The following CCDC141 variants were observed in gnomAD, a reference collection of about 807,000 sequenced individuals.
CCDC141 encodes coiled-coil domain-containing protein 141.
In CCDC141, 168 loss-of-function variants were observed where a neutral mutation model predicts 181.0. That is an observed-to-expected ratio of 0.93 (90% confidence interval 0.82 to 1.05). The LOEUF is 1.05. CCDC141 is among the 50% of genes least tolerant of loss of function. The pLI, the probability that CCDC141 is intolerant of heterozygous loss-of-function variation, is 0.00. For missense variants in CCDC141, 1,902 were observed against 1,788.5 expected (o/e 1.06, Z -1.14); for synonymous variants, 666 against 642.3 (o/e 1.04, Z -0.56).
At chr2:178,967,200 C>A (rs1005861895) in intron 4 of CCDC141, among the ~76,000 whole-genome samples, 1 of 152,116 alleles carries the variant, frequency 6.6e-6, no homozygotes, top group African/African-American at 2.4e-5. Context: ...TCCAGAAGAA[C>A]TTCCCCAACC....
chr2:178,860,887 TAA>T (rs1685584388), intron 17 of CCDC141, among the ~76,000 whole-genome samples: 2 of 152,328 alleles, frequency 1.3e-5, no homozygotes, highest in South Asian at 2.1e-4. Flanking sequence ...CATAATATGT[TAA>T]GTTTTGTTTT....
At chr2:178,860,035 C>T (rs1685535096) in intron 17 of CCDC141, among the ~76,000 whole-genome samples, 1 of 152,178 alleles carries the variant, frequency 6.6e-6, no homozygotes, top group South Asian at 2.1e-4. Flanking sequence ...GAAAGCCTTT[C>T]CTTAGAACTA....
At chr2:179,020,658 C>A (rs1430570797) in intron 2 of CCDC141, among the ~76,000 whole-genome samples, 1 of 152,120 alleles carries the variant, frequency 6.6e-6, no homozygotes, top group African/African-American at 2.4e-5. Context: ...AGCTCCCTTA[C>A]CTGTGAAAAT....
chr2:178,853,861 TA>T (rs1362169051), intron 19 of CCDC141, among the ~76,000 whole-genome samples: 1 of 152,196 alleles, frequency 6.6e-6, no homozygotes, highest in Non-Finnish European at 1.5e-5. Context: ...TATAAGAAAG[TA>T]AAAATATGAA....
chr2:178,850,481 T>G (rs1201844840), intron 20 of CCDC141, among the ~76,000 whole-genome samples: 1 of 152,190 alleles, frequency 6.6e-6, no homozygotes, highest in Non-Finnish European at 1.5e-5. Flanking sequence ...TAGAGAAGAA[T>G]AAATTCCTCA....
chr2:179,020,061 G>C (rs2042651173), intron 2 of CCDC141, among the ~76,000 whole-genome samples: 1 of 152,072 alleles, frequency 6.6e-6, no homozygotes, highest in Non-Finnish European at 1.5e-5. Flanking sequence ...CAGCTGGAAA[G>C]ATCATTTGAT....
intron 8 of CCDC141, among the ~76,000 whole-genome samples, chr2:178,894,931 C>T (rs183877937): frequency 1.3e-5 from 2 of 152,246 alleles, no homozygotes; most frequent in Admixed American, 6.5e-5. Flanking sequence ...GATAAATGCA[C>T]ACATTTGAGA....
chr2:178,869,683 A>G (rs1203868149), intron 14 of CCDC141, among the ~76,000 whole-genome samples: 1 of 152,238 alleles, frequency 6.6e-6, no homozygotes, highest in East Asian at 1.9e-4. Flanking sequence ...ATCAGGTGGT[A>G]TGGTAAAAAC....
chr2:178,908,835 G>A (rs780907702), intron 7 of CCDC141, among the ~76,000 whole-genome samples: 82 of 152,316 alleles, frequency 5.4e-4, no homozygotes, highest in Non-Finnish European at 1.0e-3. Flanking sequence ...TACATGTCAT[G>A]TTTGTTGTTT....
intron 4 of CCDC141, among the ~76,000 whole-genome samples, chr2:178,972,514 C>T (rs1690939465): frequency 1.3e-5 from 2 of 152,176 alleles, no homozygotes; most frequent in Non-Finnish European, 2.9e-5. Flanking sequence ...CGAATGTGTA[C>T]ATGTCCTGCT....
the CCDC141 span, among the ~76,000 whole-genome samples, chr2:178,817,117 C>T: frequency 2.0e-5 from 3 of 152,170 alleles, no homozygotes; most frequent in African/African-American, 7.2e-5. Flanking sequence ...TACTTAGAAA[C>T]AGGATAACCT....
intron 2 of CCDC141, among the ~76,000 whole-genome samples, chr2:179,029,290 T>G (rs1446393740): frequency 6.6e-6 from 1 of 152,212 alleles, no homozygotes; most frequent in Non-Finnish European, 1.5e-5. Flanking sequence ...ATTTTAAATA[T>G]TAATAATACC....
chr2:179,047,101 T>A (rs182293575), intron 2 of CCDC141, among the ~76,000 whole-genome samples, 183 bp downstream of exon 2: 11 of 152,372 alleles, frequency 7.2e-5, no homozygotes, highest in South Asian at 2.1e-4. Flanking sequence ...GGAAAATTTT[T>A]AAAAATATTG....
At chr2:178,869,045 T>C in intron 15 of CCDC141, 72 bp downstream of exon 15, 1 of 1,153,658 alleles carries the variant, frequency 8.7e-7, no homozygotes, top group Non-Finnish European at 1.2e-6. Flanking sequence ...CCTTTATTTA[T>C]TATATAATAA....
chr2:178,884,099 G>T (rs1176012186), intron 11 of CCDC141, among the ~76,000 whole-genome samples: 1 of 152,000 alleles, frequency 6.6e-6, no homozygotes, highest in African/African-American at 2.4e-5. Flanking sequence ...AATATTTGTA[G>T]GACGTAGTAA....
chr2:179,035,138 A>T (rs2043108150), intron 2 of CCDC141, among the ~76,000 whole-genome samples: 1 of 152,044 alleles, frequency 6.6e-6, no homozygotes, highest in Non-Finnish European at 1.5e-5. Flanking sequence ...TTTTCTGTCT[A>T]TCAAGAAACT....
At chr2:178,965,445 C>T (rs952324964) in intron 4 of CCDC141, among the ~76,000 whole-genome samples, 14 of 152,162 alleles carry the variant, frequency 9.2e-5, no homozygotes, top group Admixed American at 2.0e-4. Context: ...CATTGGTACT[C>T]GTTGGACAGT....
chr2:179,043,611 G>A (rs2043385426), intron 2 of CCDC141, among the ~76,000 whole-genome samples: 1 of 152,174 alleles, frequency 6.6e-6, no homozygotes, highest in Non-Finnish European at 1.5e-5. Flanking sequence ...AAAGGCCTTT[G>A]ATAAAATTCA....
chr2:179,031,810 G>A (rs190618275), intron 2 of CCDC141, among the ~76,000 whole-genome samples: 1 of 152,082 alleles, frequency 6.6e-6, no homozygotes, highest in African/African-American at 2.4e-5. Context: ...AGAATCTCAG[G>A]CACTCAAAGC....
Sources: gnomAD v4.1 joint callset for allele counts (sites outside exome capture counted in the v4.1 genomes callset) on GRCh38, gnomAD v4.1.1 for gene constraint, MANE v1.5 for transcripts, NCBI Gene and HGNC (gene_info 2026-07-23, HGNC 2026-07-21) for gene names.